The following CSPP1 variants were observed in gnomAD, a reference collection of about 807,000 sequenced individuals.
CSPP1 encodes centrosome and spindle pole associated protein 1, also known as centrosome and spindle pole-associated protein 1.
A neutral mutation model predicts 164.4 loss-of-function variants in CSPP1; 126 were observed. The observed-to-expected ratio is 0.77, with a 90% CI of 0.66 to 0.89. The LOEUF is 0.89. CSPP1 is among the 40% of genes least tolerant of loss of function. The probability of loss-of-function intolerance (pLI) is 0.00; values close to 1 mark genes in which losing one functional copy is unlikely to be tolerated. For synonymous variants in CSPP1, 472 were observed against 476.7 expected, an observed-to-expected ratio of 0.99 and a Z score of 0.13; for missense variants, 1,395 against 1,449.8, an observed-to-expected ratio of 0.96 and a Z score of 0.61.
intron 4 of CSPP1, among the ~76,000 whole-genome samples, chr8:67,089,514 C>T (rs928092189): frequency 1.3e-5 from 2 of 152,142 alleles, no homozygotes; most frequent in African/African-American, 2.4e-5. Flanking sequence ...CTGCACTATC[C>T]GTAGCCTGTC....
At chr8:67,150,013 A>C in intron 18 of CSPP1, 78 bp downstream of exon 18, 2 of 1,350,720 alleles carry the variant, frequency 1.5e-6, no homozygotes. Context: ...TTCTGTGACT[A>C]AGTTCTTATT....
intron 15 of CSPP1, among the ~76,000 whole-genome samples, chr8:67,120,688 G>T (rs1280628818): frequency 6.6e-6 from 1 of 151,896 alleles, no homozygotes; most frequent in African/African-American, 2.4e-5. Flanking sequence ...TAGAAATGCA[G>T]CTGATTTTTG....
At chr8:67,192,713 C>T (rs1221403630) in intron 29 of CSPP1, among the ~76,000 whole-genome samples, 1 of 152,188 alleles carries the variant, frequency 6.6e-6, no homozygotes, top group Admixed American at 6.5e-5. Flanking sequence ...GGGTCCAAGT[C>T]CATTCTTTTG....
At position 67,108,683 on chromosome 8, in the gene CSPP1, C is replaced by A. The variant is rs568140925; in HGVS notation, c.1093+2708C>A. Among the ~76,000 whole-genome samples, 3 of 152,264 alleles carry A rather than the reference C, an allele frequency of 2.0e-5. No homozygotes were observed. The East Asian group carries it at 5.8e-4, about 29-fold the overall frequency. On this transcript the variant is annotated intron_variant, in intron 9 of 30. Transcript: ENST00000678616. ...TATTGCTGTTGATTGTTACTTGATG[C>A]TGGACTGGTCCTGTGCATCTGGGCC...
rs760205035 is a variant in CSPP1 at position 67,112,065 on chromosome 8, G to A, written c.1187G>A (p.Arg396Gln). The change falls in exon 10 of 31, where the codon CGA becomes CAA. Residue 396 changes from arginine (R) to glutamine (Q), a missense_variant and splice_region_variant. Coordinates refer to ENST00000678616, the MANE Select transcript of CSPP1 (RefSeq NM_001382391.1). ...QMAEQQRNKRREKDLELRVAA... is the reference protein window; with the variant it reads ...QMAEQQRNKRQEKDLELRVAA... ...GCTGAGCAACAGAGGAACAAGAGACGGTAATGAAAGGTTTGCATTTAAAAG... is the reference window on the plus strand; with the variant it reads ...GCTGAGCAACAGAGGAACAAGAGACAGTAATGAAAGGTTTGCATTTAAAAG... 11 of 1,597,566 alleles carry A rather than the reference G, an allele frequency of 6.9e-6. No homozygotes were observed. The highest frequency in any genetic ancestry group is 2.7e-5 in the African/African-American group (2 of 74,352).
chr8:67,097,528 T>G (rs1813050236), intron 7 of CSPP1, among the ~76,000 whole-genome samples: 1 of 152,164 alleles, frequency 6.6e-6, no homozygotes, highest in African/African-American at 2.4e-5. Context: ...TAAACTAAAA[T>G]AATTCAGTTG....
chr8:67,115,994 C>T lies in CSPP1; in HGVS notation c.1368C>T (p.Phe456=). The T allele has an allele frequency of 1.2e-6, 2 of 1,613,942 alleles. No homozygotes were observed. Among genetic ancestry groups the T allele is most frequent in the South Asian group, 1.1e-5 (1 of 91,070 alleles). Residue 456 remains phenylalanine (F), a synonymous_variant, in exon 13 of 31, where the codon TTC becomes TTT. Transcript: ENST00000678616. ...CACCTGAAAGACCCAGAATAGCTTTCCAGACACCTCTCCCTCCTTTATCTG... is the reference window on the plus strand; with the variant it reads ...CACCTGAAAGACCCAGAATAGCTTTTCAGACACCTCTCCCTCCTTTATCTG... The part of the protein sequence containing the change: ...MIPPERPRIA[F]QTPLPPLSAP...
chr8:67,096,254 T>C (rs1428161520), intron 7 of CSPP1, among the ~76,000 whole-genome samples: 1 of 152,210 alleles, frequency 6.6e-6, no homozygotes, highest in African/African-American at 2.4e-5. Flanking sequence ...AACCAGGTCA[T>C]TGGCTGTTCT....
At chr8:67,115,121 CTA>C (rs1195834795) in intron 12 of CSPP1, 2 of 152,228 alleles carry the variant, frequency 1.3e-5, no homozygotes, top group Admixed American at 6.5e-5. Context: ...TATGAAGAGA[CTA>C]TGTAGTCTTG....
intron 15 of CSPP1, among the ~76,000 whole-genome samples, chr8:67,126,032 A>G (rs185769355): frequency 8.3e-4 from 126 of 152,170 alleles, no homozygotes; most frequent in Middle Eastern, 6.8e-3. Context: ...GGGTTTTGCT[A>G]TGTTGCTCAG....
chr8:67,193,202 C>T (rs978626232), intron 29 of CSPP1, among the ~76,000 whole-genome samples: 3 of 152,086 alleles, frequency 2.0e-5, no homozygotes, highest in Admixed American at 6.6e-5. Flanking sequence ...CTGCAGCCTC[C>T]ACCTCCTGCC....
intron 15 of CSPP1, among the ~76,000 whole-genome samples, chr8:67,126,897 A>G (rs1038267586): frequency 2.6e-5 from 4 of 152,130 alleles, no homozygotes; most frequent in Non-Finnish European, 5.9e-5. Flanking sequence ...TGAGTCTGGT[A>G]AAATATAGGC....
chr8:67,147,974 A>G (rs780901670), intron 17 of CSPP1, among the ~76,000 whole-genome samples: 4 of 151,986 alleles, frequency 2.6e-5, no homozygotes, highest in Non-Finnish European at 5.9e-5. Context: ...CCTGAAGTGC[A>G]GTGGTGTAAT....
At chr8:67,090,634 C>T (rs1023734759) in intron 4 of CSPP1, among the ~76,000 whole-genome samples, 4 of 152,174 alleles carry the variant, frequency 2.6e-5, no homozygotes, top group Non-Finnish European at 5.9e-5. Context: ...TACTATCTTT[C>T]CATAATGTTT....
chr8:67,149,444 A>G (rs545988946), intron 17 of CSPP1, among the ~76,000 whole-genome samples: 8 of 152,184 alleles, frequency 5.3e-5, no homozygotes, highest in Non-Finnish European at 1.2e-4. Flanking sequence ...AAATTACACT[A>G]TGAGTTGTTT....
intron 1 of CSPP1, chr8:67,065,381 T>A (rs1805330939): frequency 1.1e-5 from 2 of 177,526 alleles, no homozygotes; most frequent in Admixed American, 6.5e-5. Flanking sequence ...CGGGGAAGAC[T>A]AAATTCTGAA....
At position 67,137,548 on chromosome 8, in the gene CSPP1, C is replaced by A. The variant is rs1328368400; in HGVS notation, c.1920C>A (p.Pro640=). The A allele has an allele frequency of 6.3e-7, 1 of 1,594,978 alleles. No homozygotes were observed. ...KLEAEMRTYN[P]WGKGGGGAPL... is the part of the protein sequence containing the mutation. The stretch of plus-strand genomic sequence containing the variant: ...AAGCTGAAATGAGAACATATAATCC[C>A]TGGGGAAAAGGTGGAGGTGGTGCTC... Residue 640 remains proline (P), a synonymous_variant, in exon 17 of 31, where the codon CCC becomes CCA. Coordinates refer to ENST00000678616, the MANE Select transcript of CSPP1 (RefSeq NM_001382391.1).
rs62513125 is a variant in CSPP1, at chr8:67,175,475, C to T, written c.3109+39C>T. 12,081 of 1,610,576 alleles carry T rather than the reference C, an allele frequency of 7.5e-3. 64 individuals carry two copies. The highest frequency in any genetic ancestry group is 0.022 in the Middle Eastern group (135 of 6,058). On this transcript the variant is annotated intron_variant, in intron 26 of 30. Coordinates refer to ENST00000678616, the MANE Select transcript of CSPP1 (RefSeq NM_001382391.1). ...ATTGCTGTGTCAAATAGTATCAGCA[C>T]GCTGTTTTTCCGTAGGCTTTCTGCA...
chr8:67,103,546 G>A (rs1480829141), intron 8 of CSPP1, among the ~76,000 whole-genome samples: 2 of 151,738 alleles, frequency 1.3e-5, no homozygotes, highest in East Asian at 3.9e-4. Context: ...TGTAATCCCA[G>A]CATTTTGGGA....
Sources: gnomAD v4.1 joint callset for allele counts (sites outside exome capture counted in the v4.1 genomes callset) on GRCh38, gnomAD v4.1.1 for gene constraint, MANE v1.5 for transcripts, NCBI Gene and HGNC (gene_info 2026-07-23, HGNC 2026-07-21) for gene names.